Variants in PCSK2 observed in about 807,000 individuals in gnomAD.
PCSK2 encodes neuroendocrine convertase 2.
PCSK2 carries 14 observed loss-of-function variants against 69.7 expected under a neutral mutation model. The ratio of observed to expected loss-of-function variants is 0.20; its 90% CI spans 0.13 to 0.31. The LOEUF (loss-of-function observed/expected upper bound fraction) is 0.31. Ranked by LOEUF, PCSK2 falls within the 10% of genes least tolerant of loss-of-function variation. The pLI is 1.00. For synonymous variants in PCSK2, 307 were observed against 320.7 expected, an observed-to-expected ratio of 0.96 and a Z score of 0.46; for missense variants, 544 against 842.5, an observed-to-expected ratio of 0.65 and a Z score of 4.39.
intron 2 of PCSK2, among the ~76,000 whole-genome samples, chr20:17,268,274 G>A (rs1159952435): frequency 1.3e-5 from 2 of 151,968 alleles, no homozygotes; most frequent in Non-Finnish European, 2.9e-5. Context: ...CAGGGGGCTT[G>A]TATACTAGTG....
At chr20:17,344,884 CT>C (rs1259771305) in intron 2 of PCSK2, among the ~76,000 whole-genome samples, 4 of 152,056 alleles carry the variant, frequency 2.6e-5, no homozygotes, top group Non-Finnish European at 5.9e-5. Context: ...AGTAGCATTT[CT>C]CCCTGACTTG....
chr20:17,476,929 A>C (rs1482884160), intron 11 of PCSK2, among the ~76,000 whole-genome samples: 3 of 152,202 alleles, frequency 2.0e-5, no homozygotes, highest in Non-Finnish European at 2.9e-5. Flanking sequence ...GAACAGAAAG[A>C]CCAACCCCAC....
chr20:17,226,797 TCGCTGCGCTGCGCTGCGCTG>T (rs564278605), upstream of PCSK2, among the ~76,000 whole-genome samples: 1 of 136,390 alleles, frequency 7.3e-6, no homozygotes, highest in Non-Finnish European at 1.6e-5. Context: ...GGGCGCGGGC[TCGCTGCGCTGCGCTGCGCTG>T]CGCTGCGCCC....
At chr20:17,360,496 C>G (rs1284933084) in intron 3 of PCSK2, 36 bp from the exon 4 acceptor site, 1 of 1,321,450 alleles carries the variant, frequency 7.6e-7, no homozygotes. Flanking sequence ...CAACACCAAA[C>G]TAATACCATT....
chr20:17,299,215 T>A (rs1393732461), intron 2 of PCSK2, among the ~76,000 whole-genome samples: 2 of 152,214 alleles, frequency 1.3e-5, no homozygotes, highest in African/African-American at 4.8e-5. Flanking sequence ...CATGAGGATT[T>A]ATTTTGGTGT....
At chr20:17,339,140 A>G (rs1364135765) in intron 2 of PCSK2, among the ~76,000 whole-genome samples, 2 of 152,234 alleles carry the variant, frequency 1.3e-5, no homozygotes, top group Admixed American at 6.5e-5. Flanking sequence ...ACAGTTCCAT[A>G]AAAGTGATCA....
chr20:17,255,329 T>G (rs1451166067), intron 1 of PCSK2, among the ~76,000 whole-genome samples: 1 of 151,972 alleles, frequency 6.6e-6, no homozygotes, highest in African/African-American at 2.4e-5. Flanking sequence ...TTGAGAAAGT[T>G]CCCTTTCATT....
At chr20:17,295,879 A>C (rs1456971861) in intron 2 of PCSK2, among the ~76,000 whole-genome samples, 1 of 152,138 alleles carries the variant, frequency 6.6e-6, no homozygotes, top group East Asian at 1.9e-4. Flanking sequence ...AATAAAGATA[A>C]TGTATCCATA....
intron 5 of PCSK2, among the ~76,000 whole-genome samples, chr20:17,388,459 C>T (rs2031292179): frequency 6.6e-6 from 1 of 151,960 alleles, no homozygotes; most frequent in Admixed American, 6.6e-5. Context: ...GTTAAAGCAC[C>T]CTGAACTTCA....
intron 5 of PCSK2, among the ~76,000 whole-genome samples, chr20:17,386,981 A>T (rs2031253403): frequency 6.6e-6 from 1 of 152,188 alleles, no homozygotes; most frequent in Non-Finnish European, 1.5e-5. Flanking sequence ...TCTGTATTAA[A>T]ACATAAAATC....
intron 5 of PCSK2, among the ~76,000 whole-genome samples, 157 bp from the exon 6 acceptor site, chr20:17,409,106 A>G (rs1387070741): frequency 6.6e-6 from 1 of 152,206 alleles, no homozygotes; most frequent in Non-Finnish European, 1.5e-5. Context: ...CCCCAAAGAC[A>G]TGCTTTGGCT....
intron 9 of PCSK2, among the ~76,000 whole-genome samples, chr20:17,454,369 AC>A (rs747697734): frequency 1.3e-5 from 2 of 152,220 alleles, no homozygotes; most frequent in Non-Finnish European, 2.9e-5. Context: ...AATTTAAAAA[AC>A]AACATTCACG....
intron 2 of PCSK2, among the ~76,000 whole-genome samples, chr20:17,337,097 C>T (rs1011645676): frequency 2.2e-4 from 34 of 152,222 alleles, no homozygotes; most frequent in African/African-American, 7.5e-4. Flanking sequence ...CCAGGGGTTC[C>T]CTCAGGGAGC....
intron 2 of PCSK2, among the ~76,000 whole-genome samples, chr20:17,332,428 G>A (rs1321261601): frequency 6.6e-6 from 1 of 152,096 alleles, no homozygotes; most frequent in Non-Finnish European, 1.5e-5. Flanking sequence ...CTATCAAAAA[G>A]CCAAGTGGAG....
At chr20:17,330,634 TTAAAATAAAA>T (rs530398044) in intron 2 of PCSK2, among the ~76,000 whole-genome samples, 3 of 151,712 alleles carry the variant, frequency 2.0e-5, no homozygotes, top group South Asian at 2.1e-4. Context: ...AATACATAAA[TTAAAATAAAA>T]TAAAATAAAA....
At chr20:17,436,622 C>T (rs1229300563) in intron 7 of PCSK2, 86 bp from the exon 8 acceptor site, 5 of 1,178,656 alleles carry the variant, frequency 4.2e-6, no homozygotes, top group South Asian at 1.4e-5. Flanking sequence ...ATTCCAAGTA[C>T]CCAGGGCCCA....
intron 5 of PCSK2, among the ~76,000 whole-genome samples, chr20:17,379,293 G>C (rs1037662255): frequency 6.6e-6 from 1 of 152,248 alleles, no homozygotes; most frequent in Non-Finnish European, 1.5e-5. Context: ...GCCCAAGTGG[G>C]TGTGTCCACT....
At chr20:17,304,973 C>T (rs934929992) in intron 2 of PCSK2, among the ~76,000 whole-genome samples, 4 of 152,160 alleles carry the variant, frequency 2.6e-5, no homozygotes, top group Non-Finnish European at 5.9e-5. Flanking sequence ...GCTGCAGCTC[C>T]TCCCAGCTCT....
chr20:17,329,221 G>T (rs545526803), intron 2 of PCSK2, among the ~76,000 whole-genome samples: 1 of 152,108 alleles, frequency 6.6e-6, no homozygotes. Context: ...TGACTCGAGG[G>T]TTTTTGGAGA....
Sources: gnomAD v4.1 joint callset for allele counts (sites outside exome capture counted in the v4.1 genomes callset) on GRCh38, gnomAD v4.1.1 for gene constraint, MANE v1.5 for transcripts, NCBI Gene and HGNC (gene_info 2026-07-23, HGNC 2026-07-21) for gene names.